TVP23C: variants seen among roughly 807,000 people sequenced by gnomAD.
TVP23C encodes trans-golgi network vesicle protein 23 homolog C.
A neutral mutation model predicts 28.7 loss-of-function variants in TVP23C; 19 were observed. The ratio of observed to expected loss-of-function variants is 0.66; its 90% CI spans 0.46 to 0.97. The LOEUF (loss-of-function observed/expected upper bound fraction) is 0.97, where lower values mean the gene tolerates loss of function less well. Ranked by LOEUF, TVP23C falls within the 50% of genes least tolerant of loss-of-function variation. The pLI is 0.00. For synonymous variants in TVP23C, 68 were observed against 81.7 expected (o/e 0.83, Z 0.90); for missense variants, 186 against 241.3 (o/e 0.77, Z 1.52).
rs1983340414 is a variant in TVP23C at position 15,539,992 on chromosome 17, C to T, written c.*420G>A. 1 of 493,032 alleles carries T rather than the reference C, an allele frequency of 2.0e-6. No individual in the cohort carries two copies. Among genetic ancestry groups the T allele is most frequent in the African/African-American group, 2.1e-5 (1 of 47,044 alleles). The allele number at this position is 493,032 out of a possible 1,614,324, so 30.5% of individuals were successfully genotyped here. A position where few individuals can be genotyped will look rare whatever the true frequency, so the allele number is the denominator to read the frequency against. On this transcript the variant is annotated 3_prime_UTR_variant, in exon 6 of 6. Transcript: ENST00000518321. ...CCTGTAATCCCAGCTACTCATAAGG[C>T]TGAGGCAGGAGAATCACATGAACCC...
chr17:15,535,204 A>G (rs1277630343), downstream of TVP23C, among the ~76,000 whole-genome samples: 7 of 152,126 alleles, frequency 4.6e-5, no homozygotes, highest in Admixed American at 6.5e-5. Flanking sequence ...CCTCTCATCA[A>G]GTACTGGGCT....
downstream of TVP23C, chr17:15,536,971 CAT>C (rs1478166842): frequency 1.6e-5 from 5 of 306,538 alleles, no homozygotes; most frequent in African/African-American, 4.6e-5. Context: ...TGAGATTACA[CAT>C]GTCAAATGCC....
chr17:15,558,139 A>G (rs1243584757), intron 1 of TVP23C, among the ~76,000 whole-genome samples: 3 of 149,380 alleles, frequency 2.0e-5, no homozygotes, highest in Non-Finnish European at 4.5e-5. Context: ...AACGTACAGC[A>G]AGACTGAGAT....
At chr17:15,509,542 T>G (rs946970878) in intron 5 of TVP23C, among the ~76,000 whole-genome samples, 13 of 152,224 alleles carry the variant, frequency 8.5e-5, no homozygotes, top group Admixed American at 7.9e-4. Flanking sequence ...TAAAATGCCC[T>G]TCCATCCTTC....
chr17:15,563,372 C>T (rs1984491926), intron 1 of TVP23C, 65 bp downstream of exon 1: 24 of 1,551,044 alleles, frequency 1.5e-5, no homozygotes, highest in Non-Finnish European at 2.1e-5. Context: ...GGGCTCCAGT[C>T]CCACGGAACC....
At chr17:15,518,786 TG>T (rs1982343288) in intron 5 of TVP23C, among the ~76,000 whole-genome samples, 1 of 152,204 alleles carries the variant, frequency 6.6e-6, no homozygotes, top group Admixed American at 6.5e-5. Context: ...GAACACTAGA[TG>T]AAGGTTTTCC....
chr17:15,525,237 T>A (rs1357086173), intron 5 of TVP23C, among the ~76,000 whole-genome samples: 1 of 152,244 alleles, frequency 6.6e-6, no homozygotes, highest in Admixed American at 6.5e-5. Context: ...TGCCCGGCAC[T>A]GGGTCATGCA....
chr17:15,531,200 A>G (rs371147423), intron 5 of TVP23C: 16 of 152,170 alleles, frequency 1.1e-4, no homozygotes, highest in African/African-American at 3.6e-4. Context: ...CTTGTATGTG[A>G]TAAGTTGTTT....
At chr17:15,561,294 A>C (rs1984373528) in intron 1 of TVP23C, among the ~76,000 whole-genome samples, 1 of 152,182 alleles carries the variant, frequency 6.6e-6, no homozygotes, top group Admixed American at 6.5e-5. Flanking sequence ...TTCACATCAC[A>C]AACTTATCAA....
intron 5 of TVP23C, among the ~76,000 whole-genome samples, chr17:15,543,857 T>C (rs191690844): frequency 4.2e-4 from 64 of 151,376 alleles, no homozygotes; most frequent in Non-Finnish European, 6.8e-4. Context: ...AACAAGAAAA[T>C]AGTAGATGAA....
chr17:15,532,559 T>C (rs1023049908), downstream of TVP23C, among the ~76,000 whole-genome samples: 2 of 152,238 alleles, frequency 1.3e-5, no homozygotes, highest in Admixed American at 6.5e-5. Flanking sequence ...ACAAACCTTA[T>C]TGATCACGGA....
chr17:15,505,814 C>T (rs1205515982), intron 5 of TVP23C, among the ~76,000 whole-genome samples: 4 of 152,206 alleles, frequency 2.6e-5, no homozygotes, highest in South Asian at 4.1e-4. Flanking sequence ...CCTGCTGCCC[C>T]GGGCAATGAG....
chr17:15,551,120 T>TTA (rs1343783884), intron 3 of TVP23C, among the ~76,000 whole-genome samples: 16 of 146,816 alleles, frequency 1.1e-4, no homozygotes, highest in African/African-American at 2.1e-4. Flanking sequence ...GTTGCCATTA[T>TTA]TGTTTTTTTT....
intron 5 of TVP23C, among the ~76,000 whole-genome samples, chr17:15,526,378 C>T (rs1489509882): frequency 6.6e-6 from 1 of 152,192 alleles, no homozygotes; most frequent in Non-Finnish European, 1.5e-5. Flanking sequence ...AGGAAAGCTA[C>T]TGATCCCCCA....
chr17:15,530,171 T>C (rs1395579502), intron 5 of TVP23C, among the ~76,000 whole-genome samples: 1 of 152,252 alleles, frequency 6.6e-6, no homozygotes, highest in African/African-American at 2.4e-5. Context: ...TGGGAGTCAC[T>C]TGTGGGATAT....
At chr17:15,525,319 G>A (rs1982675044) in intron 5 of TVP23C, among the ~76,000 whole-genome samples, 1 of 152,256 alleles carries the variant, frequency 6.6e-6, no homozygotes, top group African/African-American at 2.4e-5. Flanking sequence ...CTGGAAGCGT[G>A]TGATGGTTAA....
intron 3 of TVP23C, among the ~76,000 whole-genome samples, chr17:15,550,589 CTCA>C (rs1983842437): frequency 6.6e-6 from 1 of 152,152 alleles, no homozygotes; most frequent in African/African-American, 2.4e-5. Flanking sequence ...GTTTGTTAAA[CTCA>C]TCATAATGCT....
chr17:15,549,597 T>C (rs1310298174), intron 3 of TVP23C, among the ~76,000 whole-genome samples: 1 of 151,572 alleles, frequency 6.6e-6, no homozygotes, highest in African/African-American at 2.4e-5. Flanking sequence ...GAGAATCACT[T>C]GAACCCCGGG....
At chr17:15,550,716 GCTTT>G (rs1333108670) in intron 3 of TVP23C, among the ~76,000 whole-genome samples, 1 of 152,000 alleles carries the variant, frequency 6.6e-6, no homozygotes, top group East Asian at 1.9e-4. Flanking sequence ...TCCTCTTAGT[GCTTT>G]CTTACTCTGA....
Sources: gnomAD v4.1 joint callset for allele counts (sites outside exome capture counted in the v4.1 genomes callset) on GRCh38, gnomAD v4.1.1 for gene constraint, MANE v1.5 for transcripts, NCBI Gene and HGNC (gene_info 2026-07-23, HGNC 2026-07-21) for gene names.